CNTNAP2: variants seen among roughly 807,000 people sequenced by gnomAD.
CNTNAP2 encodes contactin associated protein 2, also known as contactin-associated protein-like 2.
In CNTNAP2, 98 loss-of-function variants were observed where a neutral mutation model predicts 155.2. The ratio of observed to expected loss-of-function variants is 0.63; its 90% confidence interval spans 0.54 to 0.75. CNTNAP2 has a LOEUF of 0.75. CNTNAP2 is among the 30% of genes least tolerant of loss of function. CNTNAP2 has a pLI of 0.00. For missense variants in CNTNAP2, 1,727 were observed against 1,688.1 expected (o/e 1.02, Z -0.40); for synonymous variants, 651 against 631.2 (o/e 1.03, Z -0.47).
chr7:146,130,188 G>A (rs1029510815), intron 1 of CNTNAP2, among the ~76,000 whole-genome samples: 8 of 152,224 alleles, frequency 5.3e-5, no homozygotes, highest in South Asian at 2.1e-4. Context: ...CGGGCCGGGC[G>A]TGGTGGCTCA....
chr7:146,754,548 C>CTCTG (rs752649080), intron 1 of CNTNAP2, among the ~76,000 whole-genome samples: 4 of 131,322 alleles, frequency 3.0e-5, no homozygotes, highest in African/African-American at 6.6e-5. Flanking sequence ...CTCTCTCTCT[C>CTCTG]TCTCTGTCTC....
chr7:146,542,829 C>T (rs770388223), intron 1 of CNTNAP2, among the ~76,000 whole-genome samples: 1 of 151,852 alleles, frequency 6.6e-6, no homozygotes, highest in Non-Finnish European at 1.5e-5. Flanking sequence ...AAACTTTCTC[C>T]AATTTGGAGT....
chr7:148,161,739 G>A (rs530402449), intron 17 of CNTNAP2, among the ~76,000 whole-genome samples: 8 of 152,212 alleles, frequency 5.3e-5, no homozygotes, highest in East Asian at 1.9e-4. Flanking sequence ...AAATCCAATA[G>A]CCTGTTACTG....
At chr7:147,567,645 C>T (rs1331559200) in intron 12 of CNTNAP2, among the ~76,000 whole-genome samples, 1 of 152,082 alleles carries the variant, frequency 6.6e-6, no homozygotes, top group African/African-American at 2.4e-5. Context: ...AAATGGTAAC[C>T]ACATGACATG....
intron 1 of CNTNAP2, among the ~76,000 whole-genome samples, chr7:146,633,146 G>A (rs111288059): frequency 0.024 from 3,593 of 152,166 alleles, 79 homozygotes; most frequent in Middle Eastern, 0.058. Flanking sequence ...CCGATCCTGG[G>A]AATATTGATG....
At chr7:147,458,288 C>T (rs558618946) in intron 10 of CNTNAP2, among the ~76,000 whole-genome samples, 10 of 152,002 alleles carry the variant, frequency 6.6e-5, no homozygotes, top group South Asian at 6.2e-4. Flanking sequence ...TAAATAGAAA[C>T]GTGGATCTCT....
chr7:147,294,666 T>TG (rs1805393742), intron 8 of CNTNAP2, among the ~76,000 whole-genome samples: 1 of 152,114 alleles, frequency 6.6e-6, no homozygotes, highest in Admixed American at 6.6e-5. Context: ...ACAATTTTTT[T>TG]TTTTGTTTTG....
At chr7:147,842,229 G>C (rs1392497335) in intron 13 of CNTNAP2, among the ~76,000 whole-genome samples, 1 of 152,220 alleles carries the variant, frequency 6.6e-6, no homozygotes, top group Non-Finnish European at 1.5e-5. Flanking sequence ...TAGGTAGTAA[G>C]TAACAACTGT....
chr7:148,055,976 C>G (rs1390504918), intron 15 of CNTNAP2, among the ~76,000 whole-genome samples: 2 of 152,202 alleles, frequency 1.3e-5, no homozygotes, highest in Non-Finnish European at 2.9e-5. Context: ...CCTGTACCCT[C>G]TAACATGGCT....
intron 22 of CNTNAP2, among the ~76,000 whole-genome samples, chr7:148,401,048 G>A (rs1035247659): frequency 1.3e-5 from 2 of 151,960 alleles, no homozygotes; most frequent in East Asian, 1.9e-4. Context: ...ATATCTGTAC[G>A]TGTTCAGTAC....
chr7:148,056,164 G>A (rs1185686200), intron 15 of CNTNAP2, among the ~76,000 whole-genome samples: 1 of 152,156 alleles, frequency 6.6e-6, no homozygotes, highest in Non-Finnish European at 1.5e-5. Context: ...GGAGCTTTGG[G>A]GAGACAGTGA....
At position 148,157,809 on chromosome 7, in the gene CNTNAP2, A is replaced by G. The variant is rs145851055; in HGVS notation, c.2773+10100A>G. On this transcript the variant is annotated intron_variant, in intron 17 of 23. Transcript: ENST00000361727. Reference sequence around the variant, plus strand: ...GGGAGTGATGTCGTAATTAGAAACCATTGCCATACATTAAAGAGTAAATTA... The same window carrying G: ...GGGAGTGATGTCGTAATTAGAAACCGTTGCCATACATTAAAGAGTAAATTA... Among the ~76,000 whole-genome samples the G allele has an allele frequency of 4.4e-4, 67 of 152,312 alleles. 1 individual carries two copies. The East Asian group carries it at 0.013, about 29-fold the overall frequency.
intron 3 of CNTNAP2, among the ~76,000 whole-genome samples, chr7:146,875,622 A>T (rs1795402846): frequency 6.6e-6 from 1 of 152,006 alleles, no homozygotes; most frequent in Non-Finnish European, 1.5e-5. Flanking sequence ...CATTTGAAGG[A>T]TGCTTTGCTC....
intron 10 of CNTNAP2, among the ~76,000 whole-genome samples, chr7:147,460,370 A>G (rs1349768607): frequency 1.3e-5 from 2 of 152,142 alleles, no homozygotes; most frequent in Non-Finnish European, 2.9e-5. Flanking sequence ...TAGGTGTGTA[A>G]AAGGCATCTC....
intron 11 of CNTNAP2, among the ~76,000 whole-genome samples, chr7:147,528,815 A>G (rs1389232312): frequency 6.6e-6 from 1 of 152,212 alleles, no homozygotes; most frequent in Non-Finnish European, 1.5e-5. Context: ...CGAACAAGCT[A>G]GTATTCTATC....
chr7:146,773,223 T>G (rs1429089489), intron 1 of CNTNAP2, among the ~76,000 whole-genome samples: 2 of 151,962 alleles, frequency 1.3e-5, no homozygotes, highest in African/African-American at 2.4e-5. Context: ...GAAAAAAAAA[T>G]CTTAATGACA....
rs116514485 is a variant in CNTNAP2, at chr7:146,700,192, T to C, written c.98-74079T>C. Among the ~76,000 whole-genome samples the C allele has an allele frequency of 5.6e-3, 851 of 152,192 alleles. 4 individuals carry two copies. Among genetic ancestry groups the C allele is most frequent in the African/African-American group, 0.02 (811 of 41,530 alleles). On this transcript the variant is annotated intron_variant, in intron 1 of 23. Transcript: ENST00000361727. Reference sequence around the variant, plus strand: ...CACCCGGTGTCCAGTCATTAGTCAATTATCCCTTCAGTTTTCTGGTTGTTG... The same window carrying C: ...CACCCGGTGTCCAGTCATTAGTCAACTATCCCTTCAGTTTTCTGGTTGTTG...
Position 146,899,403 on chromosome 7 carries a change from G to A in CNTNAP2, c.402+59499G>A, listed in dbSNP as rs186004164. Among the ~76,000 whole-genome samples the A allele has an allele frequency of 7.2e-5, 11 of 152,192 alleles. No individual in the cohort carries two copies. In the South Asian group the frequency reaches 1.2e-3, roughly 17 times the overall value. ...TCAGCACATTCCAGGTGAGAGCCCC[G>A]AAACCTCTTCTTATTCTAGAAATAG... On this transcript the variant is annotated intron_variant, in intron 3 of 23. Coordinates refer to ENST00000361727, the MANE Select transcript of CNTNAP2 (RefSeq NM_014141.6).
chr7:147,133,285 A>G (rs78797324), intron 8 of CNTNAP2, among the ~76,000 whole-genome samples: 2,830 of 152,196 alleles, frequency 0.019, 44 homozygotes, highest in Non-Finnish European at 0.031. Context: ...ATTTTTCTTG[A>G]GATAGTCTTT....
Sources: gnomAD v4.1 joint callset for allele counts (sites outside exome capture counted in the v4.1 genomes callset) on GRCh38, gnomAD v4.1.1 for gene constraint, MANE v1.5 for transcripts, NCBI Gene and HGNC (gene_info 2026-07-23, HGNC 2026-07-21) for gene names.